The following OSBP2 variants were observed in gnomAD, a reference collection of about 807,000 sequenced individuals.
OSBP2 encodes oxysterol binding protein 2.
In OSBP2, 66 loss-of-function variants were observed where a neutral mutation model predicts 96.0. The ratio of observed to expected loss-of-function variants is 0.69; its 90% confidence interval spans 0.56 to 0.84. The LOEUF (loss-of-function observed/expected upper bound fraction) is 0.84. OSBP2 is among the 40% of genes least tolerant of loss of function. OSBP2 has a pLI of 0.00. For synonymous variants in OSBP2, 525 were observed against 520.9 expected (o/e 1.01, Z -0.11); for missense variants, 1,038 against 1,222.7 (o/e 0.85, Z 2.25).
chr22:30,771,718 C>T (rs9609089), intron 2 of OSBP2, among the ~76,000 whole-genome samples: 13,387 of 152,254 alleles, frequency 0.088, 624 homozygotes, highest in Middle Eastern at 0.17. Context: ...ATCCATCCAC[C>T]GCAGATGATT....
Position 30,694,903 on chromosome 22 carries a change from C to A in OSBP2, c.-7C>A. 3 of 1,309,594 alleles carry A rather than the reference C, an allele frequency of 2.3e-6. No homozygotes were observed. The highest frequency in any genetic ancestry group is 2.0e-6 in the Non-Finnish European group (2 of 1,021,966). The allele number at this position is 1,309,594 out of a possible 1,614,324, so 81.1% of individuals were successfully genotyped here. On this transcript the variant is annotated 5_prime_UTR_variant, in exon 1 of 14. Coordinates refer to ENST00000332585, the MANE Select transcript of OSBP2 (RefSeq NM_030758.4). ...GCCGCTCGGCCGCGCGCGGGTCGGC[C>A]GGCTCTATGGGGAAAGCGGCGGCTC...
chr22:30,744,027 TGTCCAGG>T (rs1412398480), intron 2 of OSBP2, among the ~76,000 whole-genome samples: 2 of 152,154 alleles, frequency 1.3e-5, no homozygotes, highest in Non-Finnish European at 2.9e-5. Context: ...CAGAGACAAA[TGTCCAGG>T]TAACCCTCAA....
chr22:30,718,500 C>T (rs139331301), intron 1 of OSBP2, among the ~76,000 whole-genome samples: 1 of 152,344 alleles, frequency 6.6e-6, no homozygotes, highest in East Asian at 1.9e-4. Flanking sequence ...GTATGCTTGG[C>T]ACTGGGCTTG....
chr22:30,712,211 T>G (rs368176504), intron 1 of OSBP2, among the ~76,000 whole-genome samples: 2 of 152,092 alleles, frequency 1.3e-5, no homozygotes, highest in South Asian at 2.1e-4. Flanking sequence ...TCCTCTTTCT[T>G]CTCCAAACCT....
At chr22:30,863,553 G>A (rs889253488) in intron 2 of OSBP2, among the ~76,000 whole-genome samples, 2 of 152,166 alleles carry the variant, frequency 1.3e-5, no homozygotes, top group African/African-American at 4.8e-5. Context: ...CCTGCTCTGG[G>A]GGTCTGGAGC....
chr22:30,711,035 G>A (rs2089337973), intron 1 of OSBP2, among the ~76,000 whole-genome samples: 1 of 152,160 alleles, frequency 6.6e-6, no homozygotes, highest in South Asian at 2.1e-4. Flanking sequence ...GTGAGTCACT[G>A]CGCCCAGCCT....
Position 30,893,639 on chromosome 22 carries a change from CAG to C in OSBP2, c.2097_2098del (p.Asp701HisfsTer7). 6.2e-7 allele frequency: 1 copy of C among 1,614,138 alleles called. No individual in the cohort carries two copies. Among genetic ancestry groups the C allele is most frequent in the Non-Finnish European group, 8.5e-7 (1 of 1,179,984 alleles). On this transcript the variant is annotated frameshift_variant and splice_region_variant, in exon 11 of 14. Coordinates refer to ENST00000332585, the MANE Select transcript of OSBP2 (RefSeq NM_030758.4). LOFTEE classifies it high-confidence loss of function. ...CTGACCACTGCCCTCCTTCGCCAGT[CAG>C]GGGACATCGAGATTGTGAACCATAA...
At chr22:30,848,415 CT>C (rs1216387492) in intron 2 of OSBP2, among the ~76,000 whole-genome samples, 3 of 152,064 alleles carry the variant, frequency 2.0e-5, no homozygotes, top group African/African-American at 4.8e-5. Context: ...AATGGTTGTC[CT>C]TTTTTTCCTT....
intron 1 of OSBP2, among the ~76,000 whole-genome samples, chr22:30,738,875 TTGAG>T (rs1305524139): frequency 1.3e-5 from 2 of 152,148 alleles, no homozygotes; most frequent in African/African-American, 4.8e-5. Context: ...AAATGTCTGA[TTGAG>T]TGTCGAGTCA....
intron 8 of OSBP2, among the ~76,000 whole-genome samples, chr22:30,892,899 C>T (rs536527157): frequency 3.3e-5 from 5 of 152,176 alleles, no homozygotes; most frequent in Non-Finnish European, 7.4e-5. Flanking sequence ...AGGAGCCAGG[C>T]ACTGAGAGGC....
chr22:30,701,095 CAAA>C (rs61586620), intron 1 of OSBP2, among the ~76,000 whole-genome samples: 5 of 106,882 alleles, frequency 4.7e-5, no homozygotes, highest in Non-Finnish European at 5.9e-5. Context: ...AACTACGTCT[CAAA>C]AAAAAAAAAA....
chr22:30,695,693 C>T lies in OSBP2; in HGVS notation c.644+140C>T, dbSNP rs1268648069. 5.5e-6 allele frequency: 8 copies of T among 1,444,294 alleles called. No homozygotes were observed. The East Asian group carries it at 1.1e-4, about 21-fold the overall frequency. The allele number at this position is 1,444,294 out of a possible 1,614,324, so 89.5% of individuals were successfully genotyped here. On this transcript the variant is annotated intron_variant, in intron 1 of 13. Transcript: ENST00000332585. Reference sequence around the variant, plus strand: ...GCATGCATTCCAGCAGGCCAAGTCACGCTTCTGGCCCGCCGCCAAGGGCCG... The same window carrying T: ...GCATGCATTCCAGCAGGCCAAGTCATGCTTCTGGCCCGCCGCCAAGGGCCG...
In OSBP2 at chr22:30,695,535, G is replaced by A. The variant is rs752641514; in HGVS notation, c.626G>A (p.Gly209Asp). ...YQRRWFVLGN[G>D]LLSYYRNQGE... is the part of the protein sequence containing the mutation. Reference sequence around the variant, plus strand: ...CGCCGCTGGTTCGTGCTGGGCAATGGTTTGCTCTCTTACTACAGGTATGGA... The same window carrying A: ...CGCCGCTGGTTCGTGCTGGGCAATGATTTGCTCTCTTACTACAGGTATGGA... Residue 209 changes from glycine (G) to aspartate (D), a missense_variant, in exon 1 of 14, where the codon GGT (glycine) becomes GAT (aspartate). Physicochemically the swap from Gly to Asp is moderately conservative, Grantham distance 94. Around this residue, in one of 3 missense-constraint regions of OSBP2, gnomAD observed 281 missense variants for 273.4 expected, o/e 1.03. Transcript: ENST00000332585. 2 of 1,609,862 alleles carry A rather than the reference G, an allele frequency of 1.2e-6. No homozygotes were observed. Among genetic ancestry groups the A allele is most frequent in the South Asian group, 2.2e-5 (2 of 91,080 alleles).
intron 2 of OSBP2, among the ~76,000 whole-genome samples, chr22:30,766,066 T>A (rs2090265995): frequency 6.6e-6 from 1 of 152,048 alleles, no homozygotes; most frequent in Non-Finnish European, 1.5e-5. Flanking sequence ...AGACCCCATC[T>A]TTCAAAAAAA....
chr22:30,752,288 CTTTTTTTTTT>C lies in OSBP2; in HGVS notation c.853+10938_853+10947del, dbSNP rs10691256. ...GGCCACATATTTTTTCTTTGCTTTG[CTTTTTTTTTT>C]TTTTTTTTTTTTTTTTTTGAGACAG... On this transcript the variant is annotated intron_variant, in intron 2 of 13. Coordinates refer to ENST00000332585, the MANE Select transcript of OSBP2 (RefSeq NM_030758.4). Among the ~76,000 whole-genome samples, 15 of 48,652 alleles carry C rather than the reference CTTTTTTTTTT, an allele frequency of 3.1e-4. No homozygotes were observed. In the East Asian group the frequency reaches 4.4e-3, roughly 14 times the overall value. 31.9% of individuals were successfully genotyped at this position (48,652 alleles called of 152,430 possible). A position where few individuals can be genotyped will look rare whatever the true frequency, so the allele number is the denominator to read the frequency against.
At chr22:30,793,754 G>A (rs913800790) in intron 2 of OSBP2, among the ~76,000 whole-genome samples, 1 of 152,100 alleles carries the variant, frequency 6.6e-6, no homozygotes, top group Non-Finnish European at 1.5e-5. Context: ...TAGTCATTTG[G>A]GAGGCTGAGC....
intron 1 of OSBP2, among the ~76,000 whole-genome samples, chr22:30,726,640 GTAAATAA>G (rs1210642572): frequency 6.6e-6 from 1 of 152,156 alleles, no homozygotes; most frequent in East Asian, 1.9e-4. Context: ...AGAACTTAAA[GTAAATAA>G]TAAATAATAA....
At chr22:30,872,570 A>G (rs1158401427) in intron 3 of OSBP2, 4 of 359,916 alleles carry the variant, frequency 1.1e-5, no homozygotes, top group Non-Finnish European at 2.2e-5. Context: ...CAGCTCCAGC[A>G]TCCGGGGAAC....
chr22:30,779,805 G>A (rs1420670005), intron 2 of OSBP2, among the ~76,000 whole-genome samples: 6 of 152,200 alleles, frequency 3.9e-5, no homozygotes, highest in Non-Finnish European at 8.8e-5. Context: ...TGCTTGAGGT[G>A]TGGGGACACG....
Sources: allele counts gnomAD v4.1 joint callset (sites outside exome capture counted in the v4.1 genomes callset), GRCh38; gene constraint gnomAD v4.1.1; regional missense constraint gnomAD v4.1.1; transcripts MANE v1.5; gene names NCBI Gene and HGNC (gene_info 2026-07-23, HGNC 2026-07-21).